Variants in YTHDF3 observed in about 807,000 individuals in gnomAD.
YTHDF3 encodes YTH domain-containing family protein 3.
YTHDF3 carries 9 observed loss-of-function variants against 52.5 expected under a neutral mutation model. The ratio of observed to expected loss-of-function variants is 0.17; its 90% CI spans 0.10 to 0.30. The LOEUF is 0.30. YTHDF3 is among the 10% of genes least tolerant of loss of function. YTHDF3 has a pLI of 1.00. For synonymous variants in YTHDF3, 274 were observed against 243.3 expected, an observed-to-expected ratio of 1.13 and a Z score of -1.18; for missense variants, 534 against 715.0, an observed-to-expected ratio of 0.75 and a Z score of 2.89.
chr8:63,192,030 G>A (rs1170875424), intron 4 of YTHDF3, among the ~76,000 whole-genome samples: 9 of 152,202 alleles, frequency 5.9e-5, no homozygotes, highest in East Asian at 1.9e-4. Flanking sequence ...TGGCGGGGGC[G>A]TACAGCTCTA....
chr8:63,171,290 T>C (rs1807307530), intron 2 of YTHDF3, among the ~76,000 whole-genome samples: 1 of 152,196 alleles, frequency 6.6e-6, no homozygotes, highest in South Asian at 2.1e-4. Context: ...AAAATAACTC[T>C]AGTCATAATT....
intron 2 of YTHDF3, among the ~76,000 whole-genome samples, chr8:63,174,704 G>GT (rs919227214): frequency 2.0e-5 from 3 of 152,210 alleles, no homozygotes; most frequent in Middle Eastern, 3.4e-3. Flanking sequence ...TCTTAATTTT[G>GT]TTTGTAGTTT....
intron 3 of YTHDF3, 38 bp downstream of exon 3, chr8:63,175,454 C>A (rs995841144): frequency 1.4e-6 from 2 of 1,478,156 alleles, no homozygotes; most frequent in Non-Finnish European, 1.9e-6. Context: ...AGGAAATTAA[C>A]CTTTTATTAG....
chr8:63,176,328 C>T (rs975109416), intron 3 of YTHDF3, among the ~76,000 whole-genome samples: 1 of 152,232 alleles, frequency 6.6e-6, no homozygotes. Context: ...GTCGCCCAGG[C>T]TGGAGTGCAG....
chr8:63,175,279 T>A, intron 2 of YTHDF3, 52 bp from the exon 3 acceptor site: 1 of 1,342,044 alleles, frequency 7.5e-7, no homozygotes, highest in Non-Finnish European at 1.0e-6. Context: ...TAGGTTGTGC[T>A]GCGAGTTTCA....
intron 3 of YTHDF3, among the ~76,000 whole-genome samples, chr8:63,176,840 GC>G (rs1218323021): frequency 6.6e-6 from 1 of 151,894 alleles, no homozygotes; most frequent in Non-Finnish European, 1.5e-5. Context: ...ACCACGCCTG[GC>G]TACTTTTTGT....
intron 2 of YTHDF3, among the ~76,000 whole-genome samples, chr8:63,174,178 T>G (rs1390461156): frequency 6.6e-6 from 1 of 152,236 alleles, no homozygotes; most frequent in Non-Finnish European, 1.5e-5. Flanking sequence ...ATGTTGTACC[T>G]TTGAGCAGTA....
rs533703171 is a variant in YTHDF3 at position 63,201,716 on chromosome 8, T to C, written c.1735-7967T>C. Among the ~76,000 whole-genome samples, 9 of 152,312 alleles carry C rather than the reference T, an allele frequency of 5.9e-5. No individual in the cohort carries two copies. The South Asian group carries it at 1.9e-3, about 32-fold the overall frequency. On this transcript the variant is annotated intron_variant, in intron 4 of 4. Coordinates refer to ENST00000539294, the MANE Select transcript of YTHDF3 (RefSeq NM_152758.6). Reference sequence around the variant, plus strand: ...TACTTTGTGCTGAATTAGAAATAACTTGAGGGAATTAAAAAAGCATAGTGA... The same window carrying C: ...TACTTTGTGCTGAATTAGAAATAACCTGAGGGAATTAAAAAAGCATAGTGA...
At chr8:63,207,605 G>A (rs1585792872) in intron 4 of YTHDF3, among the ~76,000 whole-genome samples, 1 of 151,904 alleles carries the variant, frequency 6.6e-6, no homozygotes, top group Non-Finnish European at 1.5e-5. Context: ...ATATATTTTA[G>A]TGATTCATTT....
At chr8:63,205,947 G>A (rs1338244854) in intron 4 of YTHDF3, among the ~76,000 whole-genome samples, 1 of 152,124 alleles carries the variant, frequency 6.6e-6, no homozygotes, top group Non-Finnish European at 1.5e-5. Context: ...TTTTTACCAT[G>A]CACTGTGGAC....
intron 4 of YTHDF3, among the ~76,000 whole-genome samples, chr8:63,199,510 C>G (rs1809461815): frequency 6.6e-6 from 1 of 152,170 alleles, no homozygotes; most frequent in African/African-American, 2.4e-5. Flanking sequence ...TCAGCAAATA[C>G]ATGATAACTT....
At position 63,187,190 on chromosome 8, in the gene YTHDF3, C is replaced by T. The variant is rs1419014037; in HGVS notation, c.1179C>T (p.Pro393=). The T allele has an allele frequency of 5.6e-6, 9 of 1,613,820 alleles. No homozygotes were observed. The highest frequency in any genetic ancestry group is 2.2e-5 in the South Asian group (2 of 91,082). The change falls in exon 4 of 5, where the codon CCC becomes CCT. Residue 393 remains proline (P), a synonymous_variant. Coordinates refer to ENST00000539294, the MANE Select transcript of YTHDF3 (RefSeq NM_152758.6). ...SASPSSVEVH[P]VLEKLKAINN... ...CACCTTCTAGTGTAGAAGTGCATCC[C>T]GTGCTGGAAAAGCTAAAGGCCATAA...
chr8:63,187,677 A>G lies in YTHDF3; in HGVS notation c.1666A>G (p.Thr556Ala). Residue 556 changes from threonine to alanine, a missense_variant, in exon 4 of 5, where the codon ACC (threonine) becomes GCC (alanine). This residue lies in a region of YTHDF3 where 135 missense variants were observed against 214.2 expected (regional missense o/e 0.63). Transcript: ENST00000539294. Reference sequence around the variant, plus strand: ...TAAAATAATTGCTACTTTCAAGCATACCACCTCAATCTTTGATGACTTTGC... The same window carrying G: ...TAAAATAATTGCTACTTTCAAGCATGCCACCTCAATCTTTGATGACTTTGC... ...VLKIIATFKH[T>A]TSIFDDFAHY... is the part of the protein sequence containing the mutation. 6.2e-7 allele frequency: 1 copy of G among 1,611,826 alleles called. No homozygotes were observed. Among genetic ancestry groups the G allele is most frequent in the South Asian group, 1.1e-5 (1 of 90,748 alleles).
intron 4 of YTHDF3, among the ~76,000 whole-genome samples, chr8:63,196,786 G>T (rs1374814375): frequency 2.0e-5 from 3 of 152,086 alleles, no homozygotes; most frequent in Admixed American, 2.0e-4. Flanking sequence ...CAGTGAGGTG[G>T]GTTGGAGGGT....
chr8:63,176,431 C>T (rs1427358287), intron 3 of YTHDF3, among the ~76,000 whole-genome samples: 1 of 152,026 alleles, frequency 6.6e-6, no homozygotes, highest in African/African-American at 2.4e-5. Context: ...AGGCGCCCGC[C>T]ACCATGCCCG....
chr8:63,186,676 C>T lies in YTHDF3; in HGVS notation c.665C>T (p.Thr222Ile), dbSNP rs1429741243. ...LSSSGMTSIA[T>I]NSVPPVSSAA... is the part of the protein sequence containing the mutation. ...AGCAGTGGTATGACTAGCATTGCAA[C>T]CAATAGTGTGCCCCCAGTTAGCAGT... The change falls in exon 4 of 5, where the codon ACC becomes ATC. Residue 222 changes from threonine to isoleucine, a missense_variant. By Grantham distance (89) the Thr-to-Ile change is moderately conservative. Transcript: ENST00000539294. 7 of 1,613,946 alleles carry T rather than the reference C, an allele frequency of 4.3e-6. No individual in the cohort carries two copies. Among genetic ancestry groups the T allele is most frequent in the Non-Finnish European group, 5.9e-6 (7 of 1,179,882 alleles).
At chr8:63,195,403 A>C (rs1809168441) in intron 4 of YTHDF3, among the ~76,000 whole-genome samples, 1 of 152,242 alleles carries the variant, frequency 6.6e-6, no homozygotes, top group Non-Finnish European at 1.5e-5. Flanking sequence ...ATTGGAAATT[A>C]GAGACATAAT....
chr8:63,168,769 G>A lies in YTHDF3; in HGVS notation c.-109G>A, dbSNP rs1585730648. 6.5e-7 allele frequency: 1 copy of A among 1,546,366 alleles called. No homozygotes were observed. The highest frequency in any genetic ancestry group is 2.5e-5 in the East Asian group (1 of 40,740). ...GGGTTCTCAGCGAACGGCGGCAGCG[G>A]CGGCGGCTGGAACAATCACTCGGCC... On this transcript the variant is annotated 5_prime_UTR_variant, in exon 1 of 5. Coordinates refer to ENST00000539294, the MANE Select transcript of YTHDF3 (RefSeq NM_152758.6).
chr8:63,169,346 C>T (rs1807121461), intron 1 of YTHDF3, 41 bp from the exon 2 acceptor site: 2 of 1,584,402 alleles, frequency 1.3e-6, no homozygotes, highest in Non-Finnish European at 1.7e-6. Context: ...TCTTTTCTTC[C>T]TTTTTCTCCT....
Sources: allele counts gnomAD v4.1 joint callset (sites outside exome capture counted in the v4.1 genomes callset), GRCh38; gene constraint gnomAD v4.1.1; regional missense constraint gnomAD v4.1.1; transcripts MANE v1.5; gene names NCBI Gene and HGNC (gene_info 2026-07-23, HGNC 2026-07-21).